Variants in USP15 observed in about 807,000 individuals in gnomAD.
USP15 encodes ubiquitin carboxyl-terminal hydrolase 15.
A neutral mutation model predicts 127.1 loss-of-function variants in USP15; 18 were observed. That is an observed-to-expected ratio of 0.14 (90% CI 0.10 to 0.21). The LOEUF (loss-of-function observed/expected upper bound fraction) is 0.21. USP15 is among the 10% of genes least tolerant of loss of function. USP15 has a pLI of 1.00. For synonymous variants in USP15, 364 were observed against 393.7 expected (o/e 0.92, Z 0.89); for missense variants, 805 against 1,159.9 (o/e 0.69, Z 4.44).
At chr12:62,305,515 TGTATTAAA>T (rs1282203181) in intron 3 of USP15, 1 of 152,124 alleles carries the variant, frequency 6.6e-6, no homozygotes, top group East Asian at 1.9e-4. Flanking sequence ...CCTGCAGACG[TGTATTAAA>T]GGCACTACAA....
chr12:62,330,756 A>T (rs1357580394), intron 6 of USP15, among the ~76,000 whole-genome samples: 1 of 133,268 alleles, frequency 7.5e-6, no homozygotes, highest in Non-Finnish European at 1.6e-5. Flanking sequence ...CCCCGTCTCT[A>T]CAAAAAAAAA....
At chr12:62,337,902 C>T (rs1479510956) in intron 6 of USP15, among the ~76,000 whole-genome samples, 5 of 152,068 alleles carry the variant, frequency 3.3e-5, no homozygotes, top group African/African-American at 1.2e-4. Flanking sequence ...TGGGTTGGTT[C>T]CAATTCTTTG....
chr12:62,331,592 A>G (rs1172319491), intron 6 of USP15, among the ~76,000 whole-genome samples: 3 of 152,204 alleles, frequency 2.0e-5, no homozygotes, highest in Non-Finnish European at 2.9e-5. Context: ...TGTCTGTTCT[A>G]TACTGCTGAA....
At chr12:62,361,738 A>G (rs1004917340) in intron 8 of USP15, among the ~76,000 whole-genome samples, 3 of 151,970 alleles carry the variant, frequency 2.0e-5, no homozygotes, top group Non-Finnish European at 2.9e-5. Flanking sequence ...AGAAAAACCT[A>G]TTTCAGATTT....
Position 62,381,610 on chromosome 12 carries a change from A to G in USP15, c.1036A>G (p.Ile346Val). The G allele has an allele frequency of 1.2e-6, 2 of 1,612,936 alleles. No individual in the cohort carries two copies. Among genetic ancestry groups the G allele is most frequent in the Non-Finnish European group, 1.7e-6 (2 of 1,179,178 alleles). The part of the protein sequence containing the change: ...GEIAKSYAEL[I>V]KQMWSGKFSY... ...AATAGCTAAATCTTATGCCGAACTG[A>G]TCAAGCAAATGTGGTCTGGAAAGTT... Residue 346 changes from isoleucine (I) to valine (V), a missense_variant, in exon 9 of 22, where the codon ATC becomes GTC. By Grantham distance (29) the Ile-to-Val change is conservative. Around this residue, in one of 11 missense-constraint regions of USP15, gnomAD observed 84 missense variants for 210.3 expected, o/e 0.40. Transcript: ENST00000280377.
chr12:62,360,119 G>T (rs2066268482), intron 8 of USP15, among the ~76,000 whole-genome samples: 1 of 152,080 alleles, frequency 6.6e-6, no homozygotes, highest in African/African-American at 2.4e-5. Context: ...TCCTCAGATG[G>T]ATTTGAAGCA....
rs949237144 is a variant in USP15, at chr12:62,415,430, A to G, written c.*11055A>G. 10 of 152,220 alleles carry G rather than the reference A, an allele frequency of 6.6e-5. No homozygotes were observed. Among genetic ancestry groups the G allele is most frequent in the African/African-American group, 2.4e-4 (10 of 41,448 alleles). 9.4% of individuals were successfully genotyped at this position (152,220 alleles called of 1,614,324 possible). Reference sequence around the variant, plus strand: ...ATAGATATGCCCAGAATAATGTTTGACCACATATCTGGGCACCCTGTGGCC... The same window carrying G: ...ATAGATATGCCCAGAATAATGTTTGGCCACATATCTGGGCACCCTGTGGCC... On this transcript the variant is annotated 3_prime_UTR_variant, in exon 22 of 22. Transcript: ENST00000280377.
intron 7 of USP15, among the ~76,000 whole-genome samples, chr12:62,351,412 G>A (rs553685290): frequency 4.0e-5 from 6 of 150,180 alleles, no homozygotes; most frequent in South Asian, 2.1e-4. Flanking sequence ...TTTACTCATT[G>A]CAGATGGCTC....
At chr12:62,396,955 T>C (rs1001543458) in intron 20 of USP15, among the ~76,000 whole-genome samples, 2 of 152,186 alleles carry the variant, frequency 1.3e-5, no homozygotes, top group South Asian at 2.1e-4. Flanking sequence ...AAGAATTTAT[T>C]TGGGCTGCGT....
intron 6 of USP15, among the ~76,000 whole-genome samples, chr12:62,327,229 A>G (rs2065154331): frequency 6.6e-6 from 1 of 151,704 alleles, no homozygotes; most frequent in African/African-American, 2.4e-5. Context: ...TTTTTTTCCC[A>G]TTTAAAAATA....
chr12:62,310,198 A>T (rs2137231604), intron 3 of USP15, among the ~76,000 whole-genome samples: 1 of 152,106 alleles, frequency 6.6e-6, no homozygotes, highest in South Asian at 2.1e-4. Context: ...AGTGGTGTAC[A>T]TGAGAAAATC....
intron 2 of USP15, 196 bp downstream of exon 2, chr12:62,294,502 T>G: frequency 2.1e-6 from 1 of 484,772 alleles, no homozygotes; most frequent in Admixed American, 4.4e-5. Flanking sequence ...CAAGTTTTGT[T>G]TTTCATTTAT....
chr12:62,269,339 T>G (rs1338380961), intron 1 of USP15, among the ~76,000 whole-genome samples: 1 of 151,816 alleles, frequency 6.6e-6, no homozygotes, highest in Non-Finnish European at 1.5e-5. Context: ...TATATGTGTG[T>G]GTGTATAAAT....
intron 8 of USP15, among the ~76,000 whole-genome samples, chr12:62,369,004 G>A (rs1052661977): frequency 3.2e-4 from 49 of 152,100 alleles, no homozygotes; most frequent in South Asian, 4.1e-4. Context: ...AGCATTCATT[G>A]AGTCTCTACT....
intron 1 of USP15, among the ~76,000 whole-genome samples, chr12:62,286,937 CAAA>C (rs60827285): frequency 1.6e-5 from 2 of 128,400 alleles, no homozygotes; most frequent in Non-Finnish European, 1.7e-5. Flanking sequence ...AACTCTGTCT[CAAA>C]AAAAAAAAAA....
chr12:62,293,670 T>C (rs1370254303), intron 1 of USP15, among the ~76,000 whole-genome samples: 2 of 152,184 alleles, frequency 1.3e-5, no homozygotes, highest in East Asian at 3.8e-4. Flanking sequence ...TTTTGGTTCT[T>C]TTTTCTGAAG....
At chr12:62,346,116 A>G (rs559602205) in intron 6 of USP15, among the ~76,000 whole-genome samples, 1 of 152,236 alleles carries the variant, frequency 6.6e-6, no homozygotes, top group East Asian at 1.9e-4. Flanking sequence ...CTTGTAGTTC[A>G]TGCAGTTCAA....
chr12:62,402,059 CAAAAG>C (rs929179889), intron 21 of USP15, among the ~76,000 whole-genome samples: 2 of 151,386 alleles, frequency 1.3e-5, no homozygotes, highest in African/African-American at 4.8e-5. Flanking sequence ...TTTTTTTCTG[CAAAAG>C]AAAATCAATT....
intron 2 of USP15, among the ~76,000 whole-genome samples, chr12:62,297,275 T>C (rs2064158807): frequency 6.6e-6 from 1 of 152,104 alleles, no homozygotes; most frequent in South Asian, 2.1e-4. Context: ...ACCTGAGACT[T>C]GTCTTCCAAG....
Sources: allele counts gnomAD v4.1 joint callset (sites outside exome capture counted in the v4.1 genomes callset), GRCh38; gene constraint gnomAD v4.1.1; regional missense constraint gnomAD v4.1.1; transcripts MANE v1.5; gene names NCBI Gene and HGNC (gene_info 2026-07-23, HGNC 2026-07-21).